The following PCDHGB6 variants were observed in gnomAD, a reference collection of about 807,000 sequenced individuals.
PCDHGB6 encodes protocadherin gamma subfamily B, 6.
A neutral mutation model predicts 59.1 loss-of-function variants in PCDHGB6; 51 were observed. The observed-to-expected ratio is 0.86, with a 90% CI of 0.69 to 1.09. The LOEUF is 1.09. PCDHGB6 is among the 50% of genes least tolerant of loss of function. The probability of loss-of-function intolerance (pLI) is 0.00; values close to 1 mark genes in which losing one functional copy is unlikely to be tolerated. For missense variants in PCDHGB6, 1,148 were observed against 1,205.1 expected (o/e 0.95, Z 0.70); for synonymous variants, 466 against 495.1 (o/e 0.94, Z 0.78).
rs767108870 is a variant in PCDHGB6 at position 141,485,169 on chromosome 5, C to T, written c.2419-9638C>T. On this transcript the variant is annotated intron_variant, in intron 1 of 3. Transcript: ENST00000520790. This position sits in a 1 kb window ranked among gnomAD's most constrained non-coding sequence, Gnocchi z 5.7. ...GAGCAAGTAGAGAATTAGCGGGCGG[C>T]AGCAATGCTCCGCAAGGTGAGAAGC... The T allele has an allele frequency of 6.2e-7, 1 of 1,608,524 alleles. No homozygotes were observed. Among genetic ancestry groups the T allele is most frequent in the South Asian group, 1.1e-5 (1 of 90,730 alleles).
In PCDHGB6 at chr5:141,485,441, A is replaced by G. The variant is rs1562105312; in HGVS notation, c.2419-9366A>G. ...CGGAGCCCTGCTCATCAAGAACCCA[A>G]TCGACCGAGAGGCACTGTGTGGGCT... On this transcript the variant is annotated intron_variant, in intron 1 of 3. Transcript: ENST00000520790. The surrounding 1 kb of genome is among the most constrained non-coding windows in gnomAD (Gnocchi z 5.7). 3 of 1,613,910 alleles carry G rather than the reference A, an allele frequency of 1.9e-6. No homozygotes were observed. Among genetic ancestry groups the G allele is most frequent in the South Asian group, 1.1e-5 (1 of 91,062 alleles).
At chr5:141,446,595 GCCTCC>G (rs2098508132) in intron 1 of PCDHGB6, among the ~76,000 whole-genome samples, 2 of 152,012 alleles carry the variant, frequency 1.3e-5, no homozygotes, top group South Asian at 4.1e-4. Context: ...TTCTGCCTCA[GCCTCC>G]TGAGTAGCTG....
intron 1 of PCDHGB6, among the ~76,000 whole-genome samples, chr5:141,470,181 A>G (rs974401154): frequency 3.9e-5 from 6 of 152,236 alleles, no homozygotes; most frequent in African/African-American, 9.6e-5. Flanking sequence ...AAAATATTCA[A>G]GTAAACTTCA....
intron 1 of PCDHGB6, chr5:141,417,644 A>G (rs2096142506): frequency 3.9e-6 from 3 of 779,086 alleles, no homozygotes; most frequent in Non-Finnish European, 5.8e-6. Context: ...GGGATCCCTC[A>G]GCCTCTAGCC....
chr5:141,509,024 C>T (rs2099873840), intron 3 of PCDHGB6, among the ~76,000 whole-genome samples: 1 of 152,108 alleles, frequency 6.6e-6, no homozygotes, highest in African/African-American at 2.4e-5. Flanking sequence ...GCTGCTCCCT[C>T]CCACTCAACC....
At chr5:141,510,906 C>G in intron 3 of PCDHGB6, 41 bp from the exon 4 acceptor site, 1 of 1,613,582 alleles carries the variant, frequency 6.2e-7, no homozygotes, top group Non-Finnish European at 8.5e-7. Context: ...TGTTGAGGAC[C>G]CTAAGTTTAG....
intron 1 of PCDHGB6, among the ~76,000 whole-genome samples, chr5:141,488,351 C>G (rs1467834410): frequency 6.6e-6 from 1 of 152,132 alleles, no homozygotes; most frequent in African/African-American, 2.4e-5. Context: ...AAACAGCCAC[C>G]CTGTGCATCT....
chr5:141,410,031 AG>A lies in PCDHGB6; in HGVS notation c.1831del (p.Ala611ProfsTer22), dbSNP rs1303415196. ...HNAWLSYHVL[Q>X]ASEPGLFSLG... ...GCCTGGCTGTCCTACCACGTGCTGCAGGCCAGTGAGCCCGGACTCTTCAGCC... is the reference window on the plus strand; with the variant it reads ...GCCTGGCTGTCCTACCACGTGCTGCAGCCAGTGAGCCCGGACTCTTCAGCC... On this transcript the variant is annotated frameshift_variant, in exon 1 of 4. Coordinates refer to ENST00000520790, the MANE Select transcript of PCDHGB6 (RefSeq NM_018926.3). LOFTEE classifies it high-confidence loss of function. 3.1e-6 allele frequency: 5 copies of A among 1,613,236 alleles called. No homozygotes were observed. In the South Asian group the frequency reaches 5.5e-5, roughly 18 times the overall value.
chr5:141,500,901 G>T (rs984072329), intron 2 of PCDHGB6, among the ~76,000 whole-genome samples: 1 of 144,582 alleles, frequency 6.9e-6, no homozygotes, highest in Non-Finnish European at 1.5e-5. Context: ...AGACAGTCTC[G>T]CTCTGTCTCC....
rs747671382 is a variant in PCDHGB6 at position 141,444,152 on chromosome 5, A to ATTTTTTTT, written c.2418+33561_2418+33568dup. ...GATATGTGTCACTTGTGTGTACTGG[A>ATTTTTTTT]TTTTTTTTTTTTTTTTTTTTTTTTT... On this transcript the variant is annotated intron_variant, in intron 1 of 3. Transcript: ENST00000520790. Among the ~76,000 whole-genome samples, 8 of 33,898 alleles carry ATTTTTTTT rather than the reference A, an allele frequency of 2.4e-4. 3 individuals are homozygous for ATTTTTTTT. Among genetic ancestry groups the ATTTTTTTT allele is most frequent in the African/African-American group, 5.6e-4 (4 of 7,184 alleles). The allele number at this position is 33,898 out of a possible 152,430, so 22.2% of individuals were successfully genotyped here.
At chr5:141,420,164 A>G (rs2096471602) in intron 1 of PCDHGB6, 1 of 1,614,040 alleles carries the variant, frequency 6.2e-7, no homozygotes, top group Non-Finnish European at 8.5e-7. Context: ...TAATTTTTTC[A>G]CATCTGTTGA....
Position 141,511,376 on chromosome 5 carries a change from G to C in PCDHGB6, c.*203G>C. ...CCAGGGGGTTGAATATGCAAAAGCA[G>C]TTCCGCTGGGAACCCCCATCCAATC... On this transcript the variant is annotated 3_prime_UTR_variant, in exon 4 of 4. Coordinates refer to ENST00000520790, the MANE Select transcript of PCDHGB6 (RefSeq NM_018926.3). 1 of 1,211,520 alleles carries C rather than the reference G, an allele frequency of 8.3e-7. No homozygotes were observed. The allele number at this position is 1,211,520 out of a possible 1,614,324, so 75.0% of individuals were successfully genotyped here.
rs549955923 is a variant in PCDHGB6, at chr5:141,409,897, A to G, written c.1695A>G (p.Pro565=). 8.7e-6 allele frequency: 14 copies of G among 1,613,204 alleles called. No individual in the cohort carries two copies. The South Asian group carries it at 1.3e-4, about 15-fold the overall frequency. Residue 565 remains proline, a synonymous_variant, in exon 1 of 4, where the codon CCA becomes CCG. Coordinates refer to ENST00000520790, the MANE Select transcript of PCDHGB6 (RefSeq NM_018926.3). The part of the protein sequence containing the change: ...RNDNAPRVLY[P]ALGPDGSAFF... ...ACAACGCACCGCGGGTGCTGTACCC[A>G]GCTCTGGGTCCTGACGGCTCCGCGT...
At chr5:141,419,170 C>T (rs758796140) in intron 1 of PCDHGB6, 4 of 1,613,966 alleles carry the variant, frequency 2.5e-6, no homozygotes, top group Non-Finnish European at 3.4e-6. Context: ...CCAGCAAAAC[C>T]ATAACCCTGC....
In PCDHGB6 at chr5:141,408,282, C is replaced by A. The variant is rs1045626164; in HGVS notation, c.80C>A (p.Pro27His). Residue 27 changes from proline (P) to histidine (H), a missense_variant, in exon 1 of 4, where the codon CCC becomes CAC. Around this residue, in one of 5 missense-constraint regions of PCDHGB6, gnomAD observed 307 missense variants for 323.8 expected, o/e 0.95. Transcript: ENST00000520790. ...CCTTTGCTGCTGCCTTTGTTCTACC[C>A]CACCCTGAGTGAGCCGATCCGCTAC... ...LFPLLLPLFYPTLSEPIRYSI... is the reference protein window; with the variant it reads ...LFPLLLPLFYHTLSEPIRYSI... The A allele has an allele frequency of 5.0e-6, 8 of 1,612,846 alleles. No individual in the cohort carries two copies. The African/African-American group carries it at 1.1e-4, about 22-fold the overall frequency.
chr5:141,442,797 G>A (rs140116155), intron 1 of PCDHGB6, among the ~76,000 whole-genome samples: 1,916 of 152,222 alleles, frequency 0.013, 22 homozygotes, highest in Non-Finnish European at 0.02. Context: ...ATTTTACTTT[G>A]ATATTCAAAT....
chr5:141,413,054 A>G (rs2095600698), intron 1 of PCDHGB6: 1 of 981,614 alleles, frequency 1.0e-6, no homozygotes, highest in African/African-American at 1.6e-5. Flanking sequence ...AGGGAAGCTC[A>G]CTCCAGAATT....
At chr5:141,428,117 G>T in intron 1 of PCDHGB6, 2 of 1,607,102 alleles carry the variant, frequency 1.2e-6, no homozygotes, top group East Asian at 2.2e-5. Context: ...AGGCCATCGA[G>T]CCCGGGCTTT....
chr5:141,481,362 A>G (rs2099536613), intron 1 of PCDHGB6, among the ~76,000 whole-genome samples: 1 of 152,252 alleles, frequency 6.6e-6, no homozygotes, highest in African/African-American at 2.4e-5. Context: ...CAGCTGTTCA[A>G]TAGATATTGG....
Sources: allele counts gnomAD v4.1 joint callset (sites outside exome capture counted in the v4.1 genomes callset), GRCh38; gene constraint gnomAD v4.1.1; regional missense constraint gnomAD v4.1.1; non-coding constraint Gnocchi (gnomAD v3.1); transcripts MANE v1.5; gene names NCBI Gene and HGNC (gene_info 2026-07-23, HGNC 2026-07-21).